The following GANC variants were observed in gnomAD, a reference collection of about 807,000 sequenced individuals.
The protein encoded by GANC is neutral alpha-glucosidase C.
In GANC, 117 loss-of-function variants were observed where a neutral mutation model predicts 124.2. That is an observed-to-expected ratio of 0.94 (90% CI 0.81 to 1.10). The LOEUF (loss-of-function observed/expected upper bound fraction) is 1.10, where lower values mean the gene tolerates loss of function less well. Among genes scored for constraint, GANC ranks in the 50% least tolerant of loss-of-function variants. GANC has a pLI of 0.00. For synonymous variants in GANC, 377 were observed against 376.8 expected (o/e 1.00, Z -0.01); for missense variants, 1,140 against 1,095.0 (o/e 1.04, Z -0.58).
intron 2 of GANC, among the ~76,000 whole-genome samples, chr15:42,277,288 C>A (rs868574787): frequency 3.3e-5 from 5 of 152,068 alleles, no homozygotes; most frequent in Non-Finnish European, 5.9e-5. Context: ...CCCAGCACTT[C>A]GGGAGGCCAA....
chr15:42,292,956 A>G lies in GANC; in HGVS notation c.512+39A>G, dbSNP rs374815581. On this transcript the variant is annotated intron_variant, in intron 5 of 23. Coordinates refer to ENST00000318010, the MANE Select transcript of GANC (RefSeq NM_198141.3). Reference sequence around the variant, plus strand: ...TTACTTGACACATAAAGACCTTAACATAACCTGGTTAATGAATATCAGTTG... The same window carrying G: ...TTACTTGACACATAAAGACCTTAACGTAACCTGGTTAATGAATATCAGTTG... 5 of 1,569,764 alleles carry G rather than the reference A, an allele frequency of 3.2e-6. No individual in the cohort carries two copies. In the African/African-American group the frequency reaches 6.8e-5, roughly 21 times the overall value.
chr15:42,339,894 C>T lies in GANC; in HGVS notation c.2069C>T (p.Ala690Val). Residue 690 changes from alanine (A) to valine (V), a missense_variant, in exon 17 of 24, where the codon GCT becomes GTT. Ala to Val is a moderately conservative substitution (Grantham distance 64, BLOSUM62 0). Transcript: ENST00000318010. ...TCTCTGTTCTACCATGCACACGTGGCTTCCCAACCTGTCATGAGGTAAAAA... is the reference window on the plus strand; with the variant it reads ...TCTCTGTTCTACCATGCACACGTGGTTTCCCAACCTGTCATGAGGTAAAAA... ...WYSLFYHAHV[A>V]SQPVMRPLWV... is the part of the protein sequence containing the mutation. 6.2e-7 allele frequency: 1 copy of T among 1,613,906 alleles called. No individual in the cohort carries two copies. The highest frequency in any genetic ancestry group is 2.2e-5 in the East Asian group (1 of 44,882).
At chr15:42,287,884 TA>T in intron 4 of GANC, 66 bp downstream of exon 4, 1 of 1,512,942 alleles carries the variant, frequency 6.6e-7, no homozygotes, top group Non-Finnish European at 8.9e-7. Context: ...TCTTGAGTAA[TA>T]AATTTTGTTA....
chr15:42,328,052 A>T (rs1202981155), intron 13 of GANC, among the ~76,000 whole-genome samples: 2 of 152,284 alleles, frequency 1.3e-5, no homozygotes, highest in Middle Eastern at 3.4e-3. Context: ...CTATAACTAA[A>T]TCTAACCCCA....
chr15:42,297,730 T>A lies in GANC; in HGVS notation c.558+74T>A, dbSNP rs534507527. 3.7e-4 allele frequency: 412 copies of A among 1,106,462 alleles called. 1 individual carries two copies. In the African/African-American group the frequency reaches 5.8e-3, roughly 16 times the overall value. The allele number at this position is 1,106,462 out of a possible 1,614,324, so 68.5% of individuals were successfully genotyped here. ...ATGATAGGGCATATAAGGAATTCTC[T>A]TTCTTCCTTCTACAGAAGGGTGCTT... On this transcript the variant is annotated intron_variant, in intron 6 of 23. Coordinates refer to ENST00000318010, the MANE Select transcript of GANC (RefSeq NM_198141.3).
At chr15:42,339,372 GCAGA>G (rs2052311179) in intron 16 of GANC, among the ~76,000 whole-genome samples, 1 of 139,456 alleles carries the variant, frequency 7.2e-6, no homozygotes, top group Admixed American at 7.2e-5. Context: ...ATTTAATCAG[GCAGA>G]CATTTTTCAG....
intron 4 of GANC, among the ~76,000 whole-genome samples, chr15:42,291,261 C>T (rs919270282): frequency 2.0e-5 from 3 of 152,084 alleles, no homozygotes; most frequent in African/African-American, 7.2e-5. Flanking sequence ...GACTCAGGTA[C>T]ACATACCAGA....
rs143635492 is a variant in GANC, at chr15:42,349,809, C to T, written c.2531+314C>T. ...AACTACAGGCATGCACCAACATACC[C>T]GGCTAATTTTTGTATTTTTAGTAGA... On this transcript the variant is annotated intron_variant, in intron 22 of 23. Coordinates refer to ENST00000318010, the MANE Select transcript of GANC (RefSeq NM_198141.3). 7.2e-3 allele frequency among the ~76,000 whole-genome samples: 1,086 copies of T among 151,386 alleles called. 17 individuals are homozygous for T. Among genetic ancestry groups the T allele is most frequent in the African/African-American group, 0.024 (998 of 41,218 alleles).
In GANC at chr15:42,292,747, C is replaced by T. The variant is rs2051851836; in HGVS notation, c.342C>T (p.Cys114=). Residue 114 remains cysteine (C), a synonymous_variant, in exon 5 of 24, where the codon TGC becomes TGT. Transcript: ENST00000318010. ...TTTTGTTTTCTAGGCTGATTTCATG[C>T]TCTGGGGACACAGGCAGTCTGATAT... ...SKPSTVRLIS[C]SGDTGSLILA... is the part of the protein sequence containing the mutation. 1 of 1,613,708 alleles carries T rather than the reference C, an allele frequency of 6.2e-7. No homozygotes were observed. Among genetic ancestry groups the T allele is most frequent in the Non-Finnish European group, 8.5e-7 (1 of 1,179,740 alleles).
At chr15:42,292,938 A>G (rs2051855848) in intron 5 of GANC, 21 bp downstream of exon 5, 3 of 1,603,812 alleles carry the variant, frequency 1.9e-6, no homozygotes, top group Non-Finnish European at 8.5e-7. Context: ...GCATTACTTG[A>G]CACATAAAGA....
At chr15:42,323,435 A>G (rs1193454660) in intron 11 of GANC, among the ~76,000 whole-genome samples, 1 of 152,318 alleles carries the variant, frequency 6.6e-6, no homozygotes, top group East Asian at 1.9e-4. Flanking sequence ...AAGAAAGAGA[A>G]GATTGTATCC....
At chr15:42,283,743 A>T (rs1419578911) in intron 3 of GANC, 2 of 702,388 alleles carry the variant, frequency 2.8e-6, no homozygotes, top group African/African-American at 1.7e-5. Context: ...GCTTTGCCCA[A>T]CCAGCCACCT....
chr15:42,341,171 A>C (rs900980627), intron 18 of GANC, among the ~76,000 whole-genome samples: 1 of 152,146 alleles, frequency 6.6e-6, no homozygotes, highest in African/African-American at 2.4e-5. Context: ...GAAAGACAAA[A>C]AATAAAAATA....
intron 17 of GANC, 111 bp from the exon 18 acceptor site, chr15:42,340,579 G>T: frequency 1.2e-6 from 1 of 806,362 alleles, no homozygotes; most frequent in Non-Finnish European, 1.9e-6. Flanking sequence ...ATTCCAGCCT[G>T]GGCAACAAAG....
At chr15:42,306,112 C>A (rs1368016787) in intron 6 of GANC, among the ~76,000 whole-genome samples, 1 of 151,502 alleles carries the variant, frequency 6.6e-6, no homozygotes, top group Middle Eastern at 3.2e-3. Context: ...CTGCAACCTC[C>A]GCCTCCCAGG....
chr15:42,327,615 C>G (rs2052208415), intron 13 of GANC, 173 bp downstream of exon 13: 1 of 547,862 alleles, frequency 1.8e-6, no homozygotes, highest in Non-Finnish European at 3.2e-6. Context: ...GGGAGAGGTG[C>G]CATATGCATA....
rs765977485 is a variant in GANC at position 42,322,027 on chromosome 15, T to C, written c.1293+7T>C. On this transcript the variant is annotated splice_region_variant and intron_variant, in intron 11 of 23. Coordinates refer to ENST00000318010, the MANE Select transcript of GANC (RefSeq NM_198141.3). ...CAGGAGCAAAAAGCGTAAGGTAAAA[T>C]AAGCCAACATTTCTGAACCTTTTAA... 6 of 1,598,796 alleles carry C rather than the reference T, an allele frequency of 3.8e-6. No homozygotes were observed. In the East Asian group the frequency reaches 1.4e-4, roughly 36 times the overall value.
chr15:42,286,173 G>A (rs1406499700), intron 3 of GANC, among the ~76,000 whole-genome samples: 1 of 152,136 alleles, frequency 6.6e-6, no homozygotes, highest in African/African-American at 2.4e-5. Flanking sequence ...ACTAATTCCT[G>A]AAGGCCCTGC....
At position 42,352,567 on chromosome 15, in the gene GANC, A is replaced by G; in HGVS notation, c.*428A>G. 1 of 1,015,698 alleles carries G rather than the reference A, an allele frequency of 9.8e-7. No individual in the cohort carries two copies. Among genetic ancestry groups the G allele is most frequent in the Middle Eastern group, 5.0e-4 (1 of 1,998 alleles). 62.9% of individuals were successfully genotyped at this position (1,015,698 alleles called of 1,614,324 possible). ...TTGCTCAAGGCCAGTGTCCAAGTGG[A>G]CAGCAGCCTCTGGTACTCCCCCCAG... On this transcript the variant is annotated 3_prime_UTR_variant, in exon 24 of 24. Transcript: ENST00000318010.
Sources: allele counts gnomAD v4.1 joint callset (sites outside exome capture counted in the v4.1 genomes callset), GRCh38; gene constraint gnomAD v4.1.1; transcripts MANE v1.5; gene names NCBI Gene and HGNC (gene_info 2026-07-23, HGNC 2026-07-21).